The following TEX14 variants were observed in gnomAD, a reference collection of about 807,000 sequenced individuals.
TEX14 encodes testis expressed 14, intercellular bridge forming factor.
In TEX14, 168 loss-of-function variants were observed where a neutral mutation model predicts 178.6. That is an observed-to-expected ratio of 0.94 (90% CI 0.83 to 1.07). The LOEUF (loss-of-function observed/expected upper bound fraction) is 1.07, where lower values mean the gene tolerates loss of function less well. Among genes scored for constraint, TEX14 ranks in the 50% least tolerant of loss-of-function variants. TEX14 has a pLI of 0.00. For missense variants in TEX14, 1,730 were observed against 1,753.6 expected (o/e 0.99, Z 0.24); for synonymous variants, 626 against 634.1 (o/e 0.99, Z 0.19).
Position 58,614,609 on chromosome 17 carries a change from T to A in TEX14, c.881+623A>T, listed in dbSNP as rs2045827905. On this transcript the variant is annotated intron_variant, in intron 8 of 31. Coordinates refer to ENST00000349033, the MANE Select transcript of TEX14 (RefSeq NM_031272.5). ...GGCTCCTTCTTTCAGCTTCCTTTGG[T>A]CCCTTCAAGCCGACTTCCACAAAAA... 2.6e-5 allele frequency among the ~76,000 whole-genome samples: 4 copies of A among 152,218 alleles called. No homozygotes were observed. In the South Asian group the frequency reaches 8.3e-4, roughly 31 times the overall value.
intron 1 of TEX14, among the ~76,000 whole-genome samples, chr17:58,678,388 C>T (rs1050724581): frequency 6.6e-6 from 1 of 152,108 alleles, no homozygotes; most frequent in African/African-American, 2.4e-5. Context: ...ATGCTTATTG[C>T]AGCACTATTC....
At position 58,565,767 on chromosome 17, in the gene TEX14, T is replaced by C. The variant is rs1300183057; in HGVS notation, c.3944A>G (p.Asp1315Gly). The C allele has an allele frequency of 8.1e-6, 13 of 1,609,876 alleles. No individual in the cohort carries two copies. The highest frequency in any genetic ancestry group is 1.1e-5 in the South Asian group (1 of 89,632). ...STVLHENTAS[D>G]GGGTANDQRH... ...CTTACCATTTGCAGTGCCTCCTCCA[T>C]CACTTGCTGTGTTCTCATGCAACAC... The change falls in exon 27 of 32, where the codon GAT becomes GGT. Residue 1315 changes from aspartate to glycine, a missense_variant. Transcript: ENST00000349033.
intron 14 of TEX14, among the ~76,000 whole-genome samples, chr17:58,594,189 T>C (rs1442545424): frequency 2.6e-5 from 4 of 151,866 alleles, no homozygotes; most frequent in African/African-American, 4.8e-5. Flanking sequence ...CCAGACAGGA[T>C]ACAAGTGGAG....
At chr17:58,641,987 C>T (rs1346448402) in intron 2 of TEX14, among the ~76,000 whole-genome samples, 2 of 152,120 alleles carry the variant, frequency 1.3e-5, no homozygotes, top group Admixed American at 6.6e-5. Flanking sequence ...TCTGGTAAGC[C>T]GAAGGGGTCT....
At position 58,602,579 on chromosome 17, in the gene TEX14, A is replaced by T; in HGVS notation, c.1348T>A (p.Trp450Arg). The T allele has an allele frequency of 6.2e-7, 1 of 1,611,896 alleles. No individual in the cohort carries two copies. Among genetic ancestry groups the T allele is most frequent in the Non-Finnish European group, 8.5e-7 (1 of 1,178,918 alleles). The stretch of plus-strand genomic sequence containing the variant: ...ACAACTGAGCCATCTAAGCCCTTCC[A>T]GGGTATGTCATCTGTAAGGAAAAAG... ...MQEILTDDIPWKGLDGSVVKK... is the reference protein window; with the variant it reads ...MQEILTDDIPRKGLDGSVVKK... The change falls in exon 12 of 32, where the codon TGG becomes AGG. Residue 450 changes from tryptophan to arginine, a missense_variant. Trp to Arg is a moderately radical substitution (Grantham distance 101). Coordinates refer to ENST00000349033, the MANE Select transcript of TEX14 (RefSeq NM_031272.5).
chr17:58,631,952 A>C (rs1310414443), intron 2 of TEX14: 1 of 152,216 alleles, frequency 6.6e-6, no homozygotes, highest in Non-Finnish European at 1.5e-5. Context: ...TTTTTCCAAA[A>C]ACGATCTTTC....
In TEX14 at chr17:58,573,198, C is replaced by T; in HGVS notation, c.3494G>A (p.Ser1165Asn). 1.2e-6 allele frequency: 2 copies of T among 1,614,050 alleles called. No homozygotes were observed. The highest frequency in any genetic ancestry group is 1.6e-4 in the Middle Eastern group (1 of 6,062). Reference sequence around the variant, plus strand: ...GTGATTACCTGGGCTGAGTGGAGTGCTGACACTGGTAGGTGCATGGTTTAT... The same window carrying T: ...GTGATTACCTGGGCTGAGTGGAGTGTTGACACTGGTAGGTGCATGGTTTAT... ...PKINHAPTSV[S>N]TPLSPGSVSS... The change falls in exon 23 of 32, where the codon AGC becomes AAC. Residue 1165 changes from serine to asparagine, a missense_variant. Ser to Asn is a conservative substitution (Grantham distance 46). Coordinates refer to ENST00000349033, the MANE Select transcript of TEX14 (RefSeq NM_031272.5).
intron 2 of TEX14, among the ~76,000 whole-genome samples, chr17:58,634,045 T>A (rs1007538376): frequency 1.4e-5 from 2 of 146,218 alleles, no homozygotes; most frequent in Admixed American, 1.4e-4. Flanking sequence ...AAGAAATGGG[T>A]CACAGTGACA....
intron 5 of TEX14, among the ~76,000 whole-genome samples, chr17:58,620,231 G>A (rs1000390933): frequency 1.3e-5 from 2 of 152,320 alleles, no homozygotes; most frequent in South Asian, 2.1e-4. Flanking sequence ...CTCCAAGGCC[G>A]GATAAGGGAT....
Position 58,557,817 on chromosome 17 carries a change from C to G in TEX14, c.4301G>C (p.Gly1434Ala), listed in dbSNP as rs778068338. The G allele has an allele frequency of 6.2e-7, 1 of 1,612,200 alleles. No individual in the cohort carries two copies. The highest frequency in any genetic ancestry group is 1.3e-5 in the African/African-American group (1 of 74,964). ...ELKSCFWKRLGWSESSRIIVL... is the reference protein window; with the variant it reads ...ELKSCFWKRLAWSESSRIIVL... ...TCATTACCTGGATGATTCGGACCAA[C>G]CTAGTCGCTTCCAAAAACAGGATTT... Residue 1434 changes from glycine (G) to alanine (A), a missense_variant, in exon 31 of 32, where the codon GGT becomes GCT. Gly to Ala is a moderately conservative substitution (Grantham distance 60, BLOSUM62 0). Coordinates refer to ENST00000349033, the MANE Select transcript of TEX14 (RefSeq NM_031272.5).
intron 1 of TEX14, among the ~76,000 whole-genome samples, chr17:58,669,002 CA>C (rs2047259064): frequency 6.6e-6 from 1 of 152,088 alleles, no homozygotes; most frequent in African/African-American, 2.4e-5. Flanking sequence ...TGGAACCTGG[CA>C]ATTATCAACA....
intron 19 of TEX14, among the ~76,000 whole-genome samples, chr17:58,581,070 T>C (rs893576150): frequency 6.6e-6 from 1 of 152,190 alleles, no homozygotes; most frequent in African/African-American, 2.4e-5. Flanking sequence ...CCCAGCATTT[T>C]GGGAGGCCGA....
At chr17:58,601,164 T>C (rs764912133) in intron 13 of TEX14, among the ~76,000 whole-genome samples, 12 of 151,826 alleles carry the variant, frequency 7.9e-5, no homozygotes, top group Admixed American at 2.6e-4. Flanking sequence ...GGTGGGAGGA[T>C]TGCTTGAGTT....
intron 2 of TEX14, chr17:58,631,565 C>G (rs533724876): frequency 6.6e-6 from 1 of 151,474 alleles, no homozygotes; most frequent in Non-Finnish European, 1.5e-5. Flanking sequence ...ACACATCTGG[C>G]ATAACCTTAT....
At position 58,585,861 on chromosome 17, in the gene TEX14, C is replaced by G. The variant is rs1423800061; in HGVS notation, c.3010G>C (p.Gly1004Arg). The G allele has an allele frequency of 6.2e-7, 1 of 1,614,016 alleles. No individual in the cohort carries two copies. The highest frequency in any genetic ancestry group is 8.5e-7 in the Non-Finnish European group (1 of 1,180,004). ...PRGNGKFDKT[G>R]NNDCDSDQHG... ...TGGTCACTGTCACAGTCATTGTTGC[C>G]CGTCTTGTCAAACTTGCCATTTCCT... Residue 1004 changes from glycine (G) to arginine (R), a missense_variant, in exon 18 of 32, where the codon GGC becomes CGC. Gly to Arg is a moderately radical substitution (Grantham distance 125, BLOSUM62 -2). Transcript: ENST00000349033.
intron 1 of TEX14, among the ~76,000 whole-genome samples, chr17:58,662,130 C>T (rs947390633): frequency 6.6e-6 from 1 of 151,382 alleles, no homozygotes; most frequent in African/African-American, 2.4e-5. Context: ...CGTGAGCCAC[C>T]ACGCCTGGCC....
At chr17:58,596,812 A>G (rs390524) in intron 14 of TEX14, among the ~76,000 whole-genome samples, 36,484 of 151,982 alleles carry the variant, frequency 0.24, 5,292 homozygotes, top group Middle Eastern at 0.42. Flanking sequence ...GTGTGCTGAT[A>G]CAGCCTGTAG....
chr17:58,572,021 T>G lies in TEX14; in HGVS notation c.3617A>C (p.Gln1206Pro). Reference protein sequence around the residue: ...ASCWNSQEFIQTLSDDFISVR... With the variant: ...ASCWNSQEFIPTLSDDFISVR... Reference sequence around the variant, plus strand: ...ACTTATAAAGTCATCAGACAAAGTTTGAATAAATTCTTGACTGTTCCAGCA... The same window carrying G: ...ACTTATAAAGTCATCAGACAAAGTTGGAATAAATTCTTGACTGTTCCAGCA... Residue 1206 changes from glutamine to proline, a missense_variant, in exon 24 of 32, where the codon CAA (glutamine) becomes CCA (proline). Around this residue, in one of 2 missense-constraint regions of TEX14, gnomAD observed 941 missense variants for 1,072.4 expected, o/e 0.88. Coordinates refer to ENST00000349033, the MANE Select transcript of TEX14 (RefSeq NM_031272.5). 1 of 1,614,228 alleles carries G rather than the reference T, an allele frequency of 6.2e-7. No individual in the cohort carries two copies. The highest frequency in any genetic ancestry group is 8.5e-7 in the Non-Finnish European group (1 of 1,180,034).
intron 1 of TEX14, among the ~76,000 whole-genome samples, chr17:58,668,465 G>C (rs1454085019): frequency 1.3e-5 from 2 of 152,224 alleles, no homozygotes; most frequent in African/African-American, 2.4e-5. Flanking sequence ...AGTCATGACT[G>C]TCTACTGAAT....
Sources: allele counts gnomAD v4.1 joint callset (sites outside exome capture counted in the v4.1 genomes callset), GRCh38; gene constraint gnomAD v4.1.1; regional missense constraint gnomAD v4.1.1; transcripts MANE v1.5; gene names NCBI Gene and HGNC (gene_info 2026-07-23, HGNC 2026-07-21).